TMEM132C: variants seen among roughly 807,000 people sequenced by gnomAD.
TMEM132C encodes protein phosphatase 1, regulatory subunit 152.
A neutral mutation model predicts 61.4 loss-of-function variants in TMEM132C; 29 were observed. The ratio of observed to expected loss-of-function variants is 0.47; its 90% CI spans 0.35 to 0.64. The LOEUF (loss-of-function observed/expected upper bound fraction) is 0.64, where lower values mean the gene tolerates loss of function less well. Ranked by LOEUF, TMEM132C falls within the 30% of genes least tolerant of loss-of-function variation. The pLI is 0.00. For synonymous variants in TMEM132C, 656 were observed against 633.1 expected, an observed-to-expected ratio of 1.04 and a Z score of -0.54; for missense variants, 1,408 against 1,476.9, an observed-to-expected ratio of 0.95 and a Z score of 0.76.
intron 1 of TMEM132C, among the ~76,000 whole-genome samples, chr12:128,364,920 A>G (rs1873815952): frequency 6.6e-6 from 1 of 152,266 alleles, no homozygotes; most frequent in East Asian, 1.9e-4. Flanking sequence ...TCCCTCAGCT[A>G]CAACCCAGGT....
At chr12:128,334,576 G>A (rs2630227) in intron 1 of TMEM132C, among the ~76,000 whole-genome samples, 25,593 of 150,294 alleles carry the variant, frequency 0.17, 4,970 homozygotes, top group African/African-American at 0.48. Flanking sequence ...GAAATAAAAC[G>A]TTATTTGTTC....
chr12:128,427,995 C>T (rs1869254361), intron 2 of TMEM132C, among the ~76,000 whole-genome samples: 1 of 152,210 alleles, frequency 6.6e-6, no homozygotes, highest in South Asian at 2.1e-4. Context: ...AGGATGGGAC[C>T]TGTCGGTCCC....
chr12:128,408,988 G>A (rs372545949), intron 1 of TMEM132C, among the ~76,000 whole-genome samples: 28 of 152,220 alleles, frequency 1.8e-4, no homozygotes, highest in African/African-American at 6.7e-4. Context: ...AGGGAAGGCT[G>A]GAAAGAAGGA....
intron 2 of TMEM132C, among the ~76,000 whole-genome samples, chr12:128,487,198 G>A (rs2136096685): frequency 6.6e-6 from 1 of 152,288 alleles, no homozygotes; most frequent in Middle Eastern, 3.4e-3. Flanking sequence ...CCCCGCCGGT[G>A]TCTGGTTCCA....
rs28680447 is a variant in TMEM132C, at chr12:128,597,477, G to A, written c.1122-18675G>A. Among the ~76,000 whole-genome samples the A allele has an allele frequency of 2.1e-3, 174 of 82,514 alleles. 1 individual carries two copies. The highest frequency in any genetic ancestry group is 6.7e-3 in the African/African-American group (168 of 25,030). The allele number at this position is 82,514 out of a possible 152,430, so 54.1% of individuals were successfully genotyped here. A position where few individuals can be genotyped will look rare whatever the true frequency, so the allele number is the denominator to read the frequency against. ...TGCAGAAAGAGAGAGCGAGAGAGAGGAAGGAAGGAAGGAAGGAAAGAAGGA... is the reference window on the plus strand; with the variant it reads ...TGCAGAAAGAGAGAGCGAGAGAGAGAAAGGAAGGAAGGAAGGAAAGAAGGA... On this transcript the variant is annotated intron_variant, in intron 3 of 8. Coordinates refer to ENST00000435159, the MANE Select transcript of TMEM132C (RefSeq NM_001136103.3).
At chr12:128,491,592 C>T (rs1052166505) in intron 2 of TMEM132C, among the ~76,000 whole-genome samples, 5 of 152,162 alleles carry the variant, frequency 3.3e-5, no homozygotes, top group Non-Finnish European at 5.9e-5. Flanking sequence ...GCTTTTTCAG[C>T]GTGTCCTCAA....
At chr12:128,593,139 T>C (rs1875817043) in intron 3 of TMEM132C, among the ~76,000 whole-genome samples, 1 of 149,892 alleles carries the variant, frequency 6.7e-6, no homozygotes, top group African/African-American at 2.5e-5. Flanking sequence ...CTCTCCACCT[T>C]CTTCCCTCTC....
chr12:128,681,869 T>C (rs4628752), intron 5 of TMEM132C, among the ~76,000 whole-genome samples: 77,312 of 141,288 alleles, frequency 0.55, 21,227 homozygotes, highest in African/African-American at 0.6. Context: ...AGGGTTTCAC[T>C]ATGTTGGCCA....
In TMEM132C at chr12:128,549,999, C is replaced by A. The variant is rs138133115; in HGVS notation, c.1121+5896C>A. On this transcript the variant is annotated intron_variant, in intron 3 of 8. Transcript: ENST00000435159. ...GAAAGGAAATACACCCAATGGATCA[C>A]CCCAGCTGGCAGACACTGCTCCACC... Among the ~76,000 whole-genome samples, 398 of 152,312 alleles carry A rather than the reference C, an allele frequency of 2.6e-3. 3 individuals carry two copies. Among genetic ancestry groups the A allele is most frequent in the African/African-American group, 8.8e-3 (365 of 41,562 alleles).
At chr12:128,558,611 C>T (rs570739403) in intron 3 of TMEM132C, among the ~76,000 whole-genome samples, 1 of 152,348 alleles carries the variant, frequency 6.6e-6, no homozygotes, top group South Asian at 2.1e-4. Flanking sequence ...TAGACTAATA[C>T]AGTGGCACAT....
intron 5 of TMEM132C, among the ~76,000 whole-genome samples, chr12:128,689,442 G>T (rs1954702689): frequency 6.6e-6 from 1 of 152,178 alleles, no homozygotes; most frequent in Admixed American, 6.5e-5. Context: ...AAGCGGGATT[G>T]TCACTGTGTA....
intron 4 of TMEM132C, among the ~76,000 whole-genome samples, chr12:128,622,360 A>AAAAATATATATAT (rs1277080166): frequency 3.3e-5 from 1 of 30,126 alleles, no homozygotes; most frequent in Non-Finnish European, 5.5e-5. Flanking sequence ...AAAAAAAAAA[A>AAAAATATATATAT]ATATATATAT....
intron 5 of TMEM132C, among the ~76,000 whole-genome samples, chr12:128,675,987 G>C (rs1175198813): frequency 6.6e-6 from 1 of 152,136 alleles, no homozygotes; most frequent in East Asian, 1.9e-4. Flanking sequence ...CTAAGAATAA[G>C]AATATTCTTT....
intron 2 of TMEM132C, among the ~76,000 whole-genome samples, chr12:128,460,566 C>A (rs938656150): frequency 8.5e-5 from 13 of 152,100 alleles, no homozygotes; most frequent in African/African-American, 1.2e-4. Context: ...GTGCCCCAGG[C>A]GGTGCCACTC....
intron 1 of TMEM132C, among the ~76,000 whole-genome samples, chr12:128,325,036 G>A (rs1270760138): frequency 6.6e-6 from 1 of 152,054 alleles, no homozygotes; most frequent in Non-Finnish European, 1.5e-5. Context: ...CCTAAAAGTA[G>A]AGGAATTCCT....
intron 4 of TMEM132C, among the ~76,000 whole-genome samples, chr12:128,654,011 T>C (rs1954299630): frequency 6.6e-6 from 1 of 152,246 alleles, no homozygotes; most frequent in South Asian, 2.1e-4. Context: ...CTCTGCTGTG[T>C]TGAATGTCAA....
At chr12:128,279,697 T>C (rs1870821325) in intron 1 of TMEM132C, among the ~76,000 whole-genome samples, 1 of 152,216 alleles carries the variant, frequency 6.6e-6, no homozygotes, top group Non-Finnish European at 1.5e-5. Flanking sequence ...TTCTCAGATC[T>C]GTGTGCCAAG....
At chr12:128,447,976 T>C (rs1870046808) in intron 2 of TMEM132C, among the ~76,000 whole-genome samples, 2 of 151,730 alleles carry the variant, frequency 1.3e-5, no homozygotes, top group Non-Finnish European at 2.9e-5. Context: ...TCCACCCGCC[T>C]CGGCCTCCCA....
intron 2 of TMEM132C, among the ~76,000 whole-genome samples, chr12:128,469,977 T>C (rs965937017): frequency 6.6e-6 from 1 of 152,158 alleles, no homozygotes; most frequent in African/African-American, 2.4e-5. Flanking sequence ...GAAAACAATA[T>C]TTGCTTTTGC....
Sources: allele counts gnomAD v4.1 joint callset (sites outside exome capture counted in the v4.1 genomes callset), GRCh38; gene constraint gnomAD v4.1.1; transcripts MANE v1.5; gene names NCBI Gene and HGNC (gene_info 2026-07-23, HGNC 2026-07-21).